SLC2A9: variants seen among roughly 807,000 people sequenced by gnomAD.
SLC2A9 encodes the protein solute carrier family 2 member 9, also known as solute carrier family 2, facilitated glucose transporter member 9.
In SLC2A9, 39 loss-of-function variants were observed where a neutral mutation model predicts 50.6. The observed-to-expected ratio is 0.77, with a 90% CI of 0.60 to 1.01. The LOEUF is 1.01. Ranked by LOEUF, SLC2A9 falls within the 50% of genes least tolerant of loss-of-function variation. SLC2A9 has a pLI of 0.00. For missense variants in SLC2A9, 686 were observed against 677.6 expected (o/e 1.01, Z -0.14); for synonymous variants, 324 against 276.9 (o/e 1.17, Z -1.69).
chr4:9,826,538 G>T lies in SLC2A9; in HGVS notation c.1482C>A (p.Tyr494Ter). 6.2e-7 allele frequency: 1 copy of T among 1,614,066 alleles called. No homozygotes were observed. Among genetic ancestry groups the T allele is most frequent in the African/African-American group, 1.3e-5 (1 of 75,036 alleles). Residue 494 changes from tyrosine (Y) to a stop codon, truncating the protein, a stop_gained, in exon 12 of 12, where the codon TAC becomes TAA. Coordinates refer to ENST00000264784, the MANE Select transcript of SLC2A9 (RefSeq NM_020041.3). LOFTEE classifies it low-confidence loss of function (END_TRUNC). ...FATICITGAI[Y>*]LYFVLPETKN... ...TGGTCTCAGGCAGCACAAAATACAG[G>T]TAGATAGCACCTGTGATACAAATTG...
At chr4:9,925,754 A>G (rs1744779039) in intron 6 of SLC2A9, among the ~76,000 whole-genome samples, 1 of 152,204 alleles carries the variant, frequency 6.6e-6, no homozygotes, top group East Asian at 1.9e-4. Context: ...CTCAGGTGAC[A>G]GGGAAGGAGA....
chr4:9,810,190 C>T (rs1186885155), intron 3 of SLC2A9, among the ~76,000 whole-genome samples: 5 of 152,074 alleles, frequency 3.3e-5, no homozygotes, highest in South Asian at 2.1e-4. Flanking sequence ...TTCTTTACCA[C>T]CATATGTCCA....
intron 2 of SLC2A9, among the ~76,000 whole-genome samples, chr4:10,016,566 TCTC>T (rs1486186167): frequency 3.3e-5 from 4 of 119,456 alleles, no homozygotes; most frequent in Admixed American, 1.7e-4. Context: ...TCTTCAGAAA[TCTC>T]CTTTCCCGAA....
intron 5 of SLC2A9, among the ~76,000 whole-genome samples, chr4:9,951,647 C>T (rs1191772192): frequency 1.3e-5 from 2 of 151,924 alleles, no homozygotes; most frequent in Non-Finnish European, 2.9e-5. Context: ...CAGTAATCAT[C>T]TTTAGGAATT....
intron 2 of SLC2A9, among the ~76,000 whole-genome samples, chr4:10,009,936 C>T (rs185780638): frequency 4.3e-4 from 66 of 152,190 alleles, no homozygotes; most frequent in Non-Finnish European, 7.2e-4. Context: ...GGCCTTTGTC[C>T]CTGGTTCTTG....
chr4:9,917,016 AG>A (rs2110060579), intron 7 of SLC2A9, among the ~76,000 whole-genome samples: 1 of 152,240 alleles, frequency 6.6e-6, no homozygotes, highest in East Asian at 1.9e-4. Flanking sequence ...AGCACAGTGG[AG>A]GGGCAGGAAC....
chr4:9,995,138 C>T (rs2109271150), intron 3 of SLC2A9, among the ~76,000 whole-genome samples: 1 of 152,272 alleles, frequency 6.6e-6, no homozygotes, highest in Non-Finnish European at 1.5e-5. Flanking sequence ...CCTCACCTCT[C>T]TAACCTCCCA....
intron 6 of SLC2A9, among the ~76,000 whole-genome samples, chr4:9,936,055 C>T (rs1186840382): frequency 6.6e-6 from 1 of 152,130 alleles, no homozygotes; most frequent in African/African-American, 2.4e-5. Flanking sequence ...TCTTACGCTG[C>T]CTCCTGCGAG....
intron 8 of SLC2A9, among the ~76,000 whole-genome samples, chr4:9,905,789 G>A (rs546384806): frequency 6.6e-6 from 1 of 152,272 alleles, no homozygotes; most frequent in East Asian, 1.9e-4. Flanking sequence ...TTTCAGGCAT[G>A]ATGTGAGCAT....
intron 5 of SLC2A9, among the ~76,000 whole-genome samples, chr4:9,962,042 G>C (rs1459315709): frequency 2.6e-5 from 4 of 152,200 alleles, no homozygotes; most frequent in Admixed American, 6.5e-5. Context: ...AGTCAGAATG[G>C]AGATTATTAA....
chr4:10,026,317 T>C (rs1315954435), upstream of SLC2A9, among the ~76,000 whole-genome samples: 1 of 152,178 alleles, frequency 6.6e-6, no homozygotes, highest in Non-Finnish European at 1.5e-5. Flanking sequence ...TGTACAAAAA[T>C]GTCCTAGTGT....
At chr4:9,861,703 GTGAATGAATGAATGAA>G (rs56975965) in intron 10 of SLC2A9, among the ~76,000 whole-genome samples, 1 of 150,750 alleles carries the variant, frequency 6.6e-6, no homozygotes, top group Non-Finnish European at 1.5e-5. Flanking sequence ...ATATGGATAA[GTGAATGAATGAATGAA>G]TGAATGAATG....
chr4:9,772,904 T>C (rs997088252), intron 1 of SLC2A9, among the ~76,000 whole-genome samples: 2 of 152,200 alleles, frequency 1.3e-5, no homozygotes, highest in Admixed American at 1.3e-4. Context: ...ACATGTGCCA[T>C]GCTGGTGCGC....
downstream of SLC2A9, among the ~76,000 whole-genome samples, chr4:9,794,793 C>T (rs1466950086): frequency 6.6e-6 from 1 of 152,068 alleles, no homozygotes; most frequent in Non-Finnish European, 1.5e-5. Flanking sequence ...AGAAAGCAAA[C>T]CTGGTGGTGG....
Position 9,975,898 on chromosome 4 carries a change from G to A in SLC2A9, c.681+4694C>T, listed in dbSNP as rs115026868. Among the ~76,000 whole-genome samples, 1,442 of 152,300 alleles carry A rather than the reference G, an allele frequency of 9.5e-3. 27 individuals carry two copies. The highest frequency in any genetic ancestry group is 0.033 in the African/African-American group (1,389 of 41,562). ...AAAGAAAATGTGATACACATACACCGTAGAATACTATGCAGCCATGAGAAG... is the reference window on the plus strand; with the variant it reads ...AAAGAAAATGTGATACACATACACCATAGAATACTATGCAGCCATGAGAAG... On this transcript the variant is annotated intron_variant, in intron 5 of 11. Coordinates refer to ENST00000264784, the MANE Select transcript of SLC2A9 (RefSeq NM_020041.3).
At chr4:9,947,504 T>C (rs2108814937) in intron 5 of SLC2A9, among the ~76,000 whole-genome samples, 1 of 152,320 alleles carries the variant, frequency 6.6e-6, no homozygotes, top group African/African-American at 2.4e-5. Context: ...TTATGTGTTC[T>C]GTATTTTATT....
At position 9,890,686 on chromosome 4, in the gene SLC2A9, C is replaced by T. The variant is rs145536778; in HGVS notation, c.1139G>A (p.Arg380Gln). 4.3e-5 allele frequency: 70 copies of T among 1,613,918 alleles called. No individual in the cohort carries two copies. The highest frequency in any genetic ancestry group is 5.6e-5 in the Non-Finnish European group (66 of 1,180,006). The stretch of plus-strand genomic sequence containing the variant: ...AAAGCCACCAATGAGGAGGGGTCTC[C>T]GTCCCAGGTGCTCAATGACCAAACC... ...FSGLVIEHLG[R>Q]RPLLIGGFGL... The change falls in exon 9 of 12, where the codon CGG becomes CAG. Residue 380 changes from arginine to glutamine, a missense_variant. Physicochemically the swap from Arg to Gln is conservative, Grantham distance 43. Transcript: ENST00000264784.
intron 3 of SLC2A9, among the ~76,000 whole-genome samples, chr4:9,787,972 A>C (rs1719442521): frequency 6.6e-6 from 1 of 152,168 alleles, no homozygotes; most frequent in Non-Finnish European, 1.5e-5. Context: ...AAATACTTTG[A>C]GACTATGAAG....
At chr4:9,861,064 G>A (rs190799812) in intron 10 of SLC2A9, among the ~76,000 whole-genome samples, 3 of 152,102 alleles carry the variant, frequency 2.0e-5, no homozygotes, top group Non-Finnish European at 2.9e-5. Context: ...ATTGCTACAC[G>A]TATTAGTCTG....
Sources: gnomAD v4.1 joint callset for allele counts (sites outside exome capture counted in the v4.1 genomes callset) on GRCh38, gnomAD v4.1.1 for gene constraint, MANE v1.5 for transcripts, NCBI Gene and HGNC (gene_info 2026-07-23, HGNC 2026-07-21) for gene names.